The following CCNI variants were observed in gnomAD, a reference collection of about 807,000 sequenced individuals.
The protein encoded by CCNI is cyclin-I.
CCNI carries 14 observed loss-of-function variants against 34.1 expected under a neutral mutation model. The observed-to-expected ratio is 0.41, with a 90% CI of 0.27 to 0.64. The LOEUF is 0.64. Ranked by LOEUF, CCNI falls within the 30% of genes least tolerant of loss-of-function variation. CCNI has a pLI of 0.31. For missense variants in CCNI, 385 were observed against 440.5 expected (o/e 0.87, Z 1.13); for synonymous variants, 154 against 158.4 (o/e 0.97, Z 0.21).
Position 77,058,613 on chromosome 4 carries a change from T to C in CCNI, c.137A>G (p.Asp46Gly). The C allele has an allele frequency of 6.2e-7, 1 of 1,613,596 alleles. No homozygotes were observed. Among genetic ancestry groups the C allele is most frequent in the Middle Eastern group, 1.7e-4 (1 of 6,060 alleles). ...TTTGGCCAGCCATTGAATTACTTCATCTCTCTGGGATGGAGAAACATTCTA... is the reference window on the plus strand; with the variant it reads ...TTTGGCCAGCCATTGAATTACTTCACCTCTCTGGGATGGAGAAACATTCTA... ...SNQNVSPSQRDEVIQWLAKLK... is the reference protein window; with the variant it reads ...SNQNVSPSQRGEVIQWLAKLK... The change falls in exon 3 of 7, where the codon GAT becomes GGT. Residue 46 changes from aspartate to glycine, a missense_variant. By Grantham distance (94) the Asp-to-Gly change is moderately conservative (BLOSUM62 -1). Around this residue, in one of 2 missense-constraint regions of CCNI, gnomAD observed 135 missense variants for 191.8 expected, o/e 0.70. Transcript: ENST00000237654.
chr4:77,074,019 C>G (rs1729697627), intron 1 of CCNI, among the ~76,000 whole-genome samples: 1 of 151,896 alleles, frequency 6.6e-6, no homozygotes, highest in South Asian at 2.1e-4. Flanking sequence ...TTTTATTTTT[C>G]TTACTACACC....
chr4:77,065,550 C>T (rs1728971576), intron 2 of CCNI, among the ~76,000 whole-genome samples: 1 of 152,212 alleles, frequency 6.6e-6, no homozygotes, highest in African/African-American at 2.4e-5. Context: ...TTCACATGAA[C>T]TCCTTACCGC....
At position 77,048,522 on chromosome 4, in the gene CCNI, G is replaced by A. The variant is rs1177856949; in HGVS notation, c.831C>T (p.Phe277=). The A allele has an allele frequency of 6.2e-7, 1 of 1,613,912 alleles. No homozygotes were observed. The highest frequency in any genetic ancestry group is 2.2e-5 in the East Asian group (1 of 44,888). The change falls in exon 7 of 7, where the codon TTC becomes TTT. Residue 277 remains phenylalanine (F), a synonymous_variant. Transcript: ENST00000237654. ...CTGGGACAGAGGAGGGATGTAATCT[G>A]AACACTCCTTTGTCACAGGTCACCA... ...HTLVTCDKGV[F]RLHPSSVPGP...
intron 2 of CCNI, among the ~76,000 whole-genome samples, chr4:77,060,222 A>G (rs900683000): frequency 3.3e-5 from 5 of 152,218 alleles, no homozygotes; most frequent in Non-Finnish European, 7.3e-5. Flanking sequence ...ACAAAAAAAG[A>G]GAATACAGTT....
chr4:77,049,716 C>A (rs1258710570), intron 6 of CCNI, among the ~76,000 whole-genome samples: 1 of 150,886 alleles, frequency 6.6e-6, no homozygotes. Context: ...AACCTTTCAA[C>A]GTATTTACCA....
Position 77,048,047 on chromosome 4 carries a change from C to A in CCNI, c.*172G>T. The stretch of plus-strand genomic sequence containing the variant: ...TTTTGGTCTTTATGTGCTTAAATAA[C>A]GCTGAATTATAATTAGCCACACAAA... On this transcript the variant is annotated 3_prime_UTR_variant, in exon 7 of 7. Coordinates refer to ENST00000237654, the MANE Select transcript of CCNI (RefSeq NM_006835.3). 16 of 447,472 alleles carry A rather than the reference C, an allele frequency of 3.6e-5. No individual in the cohort carries two copies. Among genetic ancestry groups the A allele is most frequent in the Middle Eastern group, 5.9e-4 (1 of 1,686 alleles). The allele number at this position is 447,472 out of a possible 1,614,324, so 27.7% of individuals were successfully genotyped here.
intron 2 of CCNI, among the ~76,000 whole-genome samples, chr4:77,065,782 G>A (rs1007773050): frequency 6.6e-6 from 1 of 152,188 alleles, no homozygotes; most frequent in Non-Finnish European, 1.5e-5. Flanking sequence ...AGAAAGAAAA[G>A]GCCACAGCAG....
intron 2 of CCNI, among the ~76,000 whole-genome samples, chr4:77,065,633 A>G (rs1728978531): frequency 6.6e-6 from 1 of 152,246 alleles, no homozygotes; most frequent in Admixed American, 6.5e-5. Context: ...GTGGCTAACT[A>G]TAAACTATAT....
Position 77,075,623 on chromosome 4 carries a change from G to T in CCNI, c.-195C>A. 1.0e-6 allele frequency: 1 copy of T among 960,924 alleles called. No individual in the cohort carries two copies. Among genetic ancestry groups the T allele is most frequent in the South Asian group, 4.8e-5 (1 of 20,848 alleles). 59.5% of individuals were successfully genotyped at this position (960,924 alleles called of 1,614,324 possible). Reference sequence around the variant, plus strand: ...GACGACTCGGCCAACTGAGGAGGGAGAAAGGGGAAGCGGATCGGGGGGCGC... The same window carrying T: ...GACGACTCGGCCAACTGAGGAGGGATAAAGGGGAAGCGGATCGGGGGGCGC... On this transcript the variant is annotated 5_prime_UTR_variant, in exon 1 of 7. Coordinates refer to ENST00000237654, the MANE Select transcript of CCNI (RefSeq NM_006835.3).
At chr4:77,066,645 T>C (rs565107332) in intron 1 of CCNI, among the ~76,000 whole-genome samples, 2 of 152,346 alleles carry the variant, frequency 1.3e-5, no homozygotes, top group East Asian at 3.9e-4. Context: ...ATGGAACCTT[T>C]GGACTCTGAT....
intron 6 of CCNI, among the ~76,000 whole-genome samples, chr4:77,053,696 T>C (rs1728024862): frequency 6.6e-6 from 1 of 152,208 alleles, no homozygotes; most frequent in Admixed American, 6.5e-5. Context: ...GAGATGTCAT[T>C]TGTTCCAATA....
chr4:77,065,960 G>A (rs189107728), intron 2 of CCNI, among the ~76,000 whole-genome samples: 1 of 152,156 alleles, frequency 6.6e-6, no homozygotes, highest in African/African-American at 2.4e-5. Flanking sequence ...AATTAGCCAG[G>A]CATGGTAGCA....
At chr4:77,066,118 A>G in intron 2 of CCNI, 131 bp downstream of exon 2, 1 of 709,796 alleles carries the variant, frequency 1.4e-6, no homozygotes, top group Non-Finnish European at 2.3e-6. Flanking sequence ...AGAAACAGGG[A>G]GAGTCTCTCA....
chr4:77,051,719 C>T (rs1316572321), intron 6 of CCNI, among the ~76,000 whole-genome samples: 1 of 152,226 alleles, frequency 6.6e-6, no homozygotes, highest in South Asian at 2.1e-4. Context: ...CCAAAACTCT[C>T]GACACCAGAC....
At position 77,048,011 on chromosome 4, in the gene CCNI, CTT is replaced by C. The variant is rs372298005; in HGVS notation, c.*206_*207del. 0.018 allele frequency: 5,480 copies of C among 307,282 alleles called. No individual in the cohort carries two copies. The highest frequency in any genetic ancestry group is 0.023 in the East Asian group (474 of 20,208). The allele number at this position is 307,282 out of a possible 1,614,324, so 19.0% of individuals were successfully genotyped here. On this transcript the variant is annotated 3_prime_UTR_variant, in exon 7 of 7. Coordinates refer to ENST00000237654, the MANE Select transcript of CCNI (RefSeq NM_006835.3). ...AAAAAAGTTTGGATCTTTTGGATTTCTTTTTTTTTTTTTTGGTCTTTATGTGC... is the reference window on the plus strand; with the variant it reads ...AAAAAAGTTTGGATCTTTTGGATTTCTTTTTTTTTTTTGGTCTTTATGTGC...
At chr4:77,068,646 C>T (rs4252818) in intron 1 of CCNI, among the ~76,000 whole-genome samples, 8,273 of 152,150 alleles carry the variant, frequency 0.054, 337 homozygotes, top group South Asian at 0.14. Flanking sequence ...CAACTATGTA[C>T]CTGTAAACTA....
chr4:77,060,401 T>G (rs984655474), intron 2 of CCNI, among the ~76,000 whole-genome samples: 1 of 152,176 alleles, frequency 6.6e-6, no homozygotes, highest in Admixed American at 6.5e-5. Flanking sequence ...TGAAGTTATT[T>G]TAAACACTGT....
intron 1 of CCNI, among the ~76,000 whole-genome samples, chr4:77,070,834 C>G (rs536732183): frequency 6.6e-6 from 1 of 152,190 alleles, no homozygotes; most frequent in African/African-American, 2.4e-5. Flanking sequence ...CTGGGCAACA[C>G]AGTGAAAATC....
At position 77,050,490 on chromosome 4, in the gene CCNI, G is replaced by C. The variant is rs145139808; in HGVS notation, c.691-1828C>G. Among the ~76,000 whole-genome samples the C allele has an allele frequency of 6.4e-3, 968 of 152,250 alleles. 15 individuals carry two copies. Among genetic ancestry groups the C allele is most frequent in the African/African-American group, 0.022 (920 of 41,536 alleles). ...AAAGAATGGTAAAAGGCTGATGTTA[G>C]TCATTGTATAATACAAATGCAAAGT... On this transcript the variant is annotated intron_variant, in intron 6 of 6. Transcript: ENST00000237654.
Sources: allele counts gnomAD v4.1 joint callset (sites outside exome capture counted in the v4.1 genomes callset), GRCh38; gene constraint gnomAD v4.1.1; regional missense constraint gnomAD v4.1.1; transcripts MANE v1.5; gene names NCBI Gene and HGNC (gene_info 2026-07-23, HGNC 2026-07-21).